The following NEXMIF variants were observed in gnomAD, a reference collection of about 807,000 sequenced individuals.
NEXMIF encodes XLMR protein related to neurite extension.
In NEXMIF, 8 loss-of-function variants were observed where a neutral mutation model predicts 62.1. The observed-to-expected ratio is 0.13, with a 90% CI of 0.08 to 0.23. The LOEUF (loss-of-function observed/expected upper bound fraction) is 0.23. Among genes scored for constraint, NEXMIF ranks in the 10% least tolerant of loss-of-function variants. The probability of loss-of-function intolerance (pLI) is 1.00; values close to 1 mark genes in which losing one functional copy is unlikely to be tolerated. For synonymous variants in NEXMIF, 404 were observed against 416.6 expected, an observed-to-expected ratio of 0.97 and a Z score of 0.37; for missense variants, 976 against 1,113.3, an observed-to-expected ratio of 0.88 and a Z score of 1.75.
intron 1 of NEXMIF, among the ~76,000 whole-genome samples, chrX:74,778,669 T>C (rs1194067258): frequency 8.9e-6 from 1 of 112,004 alleles, no homozygotes; most frequent in Non-Finnish European, 1.9e-5. Context: ...GGCCAATATG[T>C]TCAGGTCACA....
chrX:74,876,538 G>T (rs1290934536), intron 1 of NEXMIF, among the ~76,000 whole-genome samples: 1 of 106,173 alleles, frequency 9.4e-6, no homozygotes, highest in Non-Finnish European at 1.9e-5. Context: ...TCAATTCCTG[G>T]GTATCCTTGT....
intron 1 of NEXMIF, among the ~76,000 whole-genome samples, chrX:74,838,223 T>A (rs1055641524): frequency 1.4e-4 from 16 of 111,731 alleles, no homozygotes; most frequent in African/African-American, 4.9e-4. Flanking sequence ...TAAGCCTGTA[T>A]ATGGGCGAAC....
rs950462136 is a variant in NEXMIF at position 74,869,803 on chromosome X, G to A, written c.-48+55080C>T. Among the ~76,000 whole-genome samples the A allele has an allele frequency of 5.4e-5, 6 of 111,361 alleles. No individual in the cohort carries two copies. The East Asian group carries it at 1.4e-3, about 26-fold the overall frequency. ...GCAATGAAAACTATACAACGTTGAT[G>A]CAAAAAATTGAATAGGACACCAAAA... On this transcript the variant is annotated intron_variant, in intron 1 of 3. Transcript: ENST00000055682.
rs886041774 is a variant in NEXMIF at position 74,743,433 on chromosome X, TC to T, written c.1123del (p.Glu375ArgfsTer21). On this transcript the variant is annotated frameshift_variant, in exon 3 of 4. Coordinates refer to ENST00000055682, the MANE Select transcript of NEXMIF (RefSeq NM_001008537.3). LOFTEE classifies it high-confidence loss of function. ...CTTCTTGTCCAAGTTTTTATCTTCCTCCCCCCAGATGATGCTCACATCAGGG... is the reference window on the plus strand; with the variant it reads ...CTTCTTGTCCAAGTTTTTATCTTCCTCCCCCAGATGATGCTCACATCAGGG... Reference protein sequence around the residue: ...KVPDVSIIWGEEDKNLDKKKG... With the variant: ...KVPDVSIIWGXEDKNLDKKKG... 1 of 1,210,519 alleles carries T rather than the reference TC, an allele frequency of 8.3e-7. No homozygotes were observed. The highest frequency in any genetic ancestry group is 1.1e-6 in the Non-Finnish European group (1 of 894,950).
At chrX:74,862,421 T>C (rs1293049180) in intron 1 of NEXMIF, among the ~76,000 whole-genome samples, 1 of 110,307 alleles carries the variant, frequency 9.1e-6, no homozygotes, top group African/African-American at 3.3e-5. Flanking sequence ...GTCAATATTA[T>C]ACAGACCATC....
intron 1 of NEXMIF, among the ~76,000 whole-genome samples, chrX:74,909,656 T>C (rs2080781398): frequency 8.9e-6 from 1 of 111,737 alleles, no homozygotes; most frequent in Middle Eastern, 4.6e-3. Context: ...CCCAAGACAA[T>C]GGGGAAAATG....
At chrX:74,869,267 C>G (rs1267925059) in intron 1 of NEXMIF, among the ~76,000 whole-genome samples, 2 of 111,397 alleles carry the variant, frequency 1.8e-5, no homozygotes, top group Admixed American at 1.9e-4. Context: ...TAACAAAATT[C>G]AACATACCTT....
intron 1 of NEXMIF, among the ~76,000 whole-genome samples, chrX:74,907,811 T>C (rs1048122805): frequency 9.0e-6 from 1 of 111,472 alleles, no homozygotes; most frequent in African/African-American, 3.3e-5. Context: ...CACCAGTATA[T>C]GATTTTACTT....
At chrX:74,852,248 T>A (rs1052057652) in intron 1 of NEXMIF, among the ~76,000 whole-genome samples, 59 of 111,213 alleles carry the variant, frequency 5.3e-4, no homozygotes, top group African/African-American at 1.8e-3. Flanking sequence ...GATACAGAGA[T>A]CAATTCAGCA....
chrX:74,824,528 G>A (rs945209140), intron 1 of NEXMIF, among the ~76,000 whole-genome samples: 3 of 112,044 alleles, frequency 2.7e-5, no homozygotes, highest in Non-Finnish European at 3.8e-5. Context: ...TGGACACTTA[G>A]GCTGATTCTA....
At position 74,737,451 on chromosome X, in the gene NEXMIF, A is replaced by G. The variant is rs958182654; in HGVS notation, c.*1954T>C. On this transcript the variant is annotated 3_prime_UTR_variant, in exon 4 of 4. Coordinates refer to ENST00000055682, the MANE Select transcript of NEXMIF (RefSeq NM_001008537.3). ...AGTAATTTTCCAGGGCTCACTGCAA[A>G]CAGAGCATTAAAGCCTAGGAATGGG... The G allele has an allele frequency of 2.7e-5, 3 of 111,303 alleles. No individual in the cohort carries two copies. The highest frequency in any genetic ancestry group is 6.6e-5 in the African/African-American group (2 of 30,497). The allele number at this position is 111,303 out of a possible 1,213,427, so 9.2% of individuals were successfully genotyped here.
rs987881393 is a variant in NEXMIF, at chrX:74,885,820, C to T, written c.-48+39063G>A. 2.7e-5 allele frequency among the ~76,000 whole-genome samples: 3 copies of T among 111,427 alleles called. No individual in the cohort carries two copies. In the Admixed American group the frequency reaches 2.9e-4, roughly 11 times the overall value. ...TTATGAGGCCAGCATCATCCTGATA[C>T]CAAAGCCGGGCAGAGACACAACAAA... On this transcript the variant is annotated intron_variant, in intron 1 of 3. Transcript: ENST00000055682.
chrX:74,923,696 C>T (rs2080834142), intron 1 of NEXMIF, among the ~76,000 whole-genome samples: 1 of 111,825 alleles, frequency 8.9e-6, no homozygotes, highest in Non-Finnish European at 1.9e-5. Context: ...GGAACTCCTC[C>T]ACCAAAAACA....
intron 1 of NEXMIF, among the ~76,000 whole-genome samples, chrX:74,823,004 G>T (rs953257496): frequency 1.9e-4 from 21 of 111,861 alleles, no homozygotes; most frequent in African/African-American, 6.5e-4. Flanking sequence ...CCATACAATG[G>T]TATATTATTC....
intron 1 of NEXMIF, among the ~76,000 whole-genome samples, chrX:74,759,762 C>A (rs2080170558): frequency 9.0e-6 from 1 of 111,530 alleles, no homozygotes; most frequent in Non-Finnish European, 1.9e-5. Context: ...TGTTTTTGTA[C>A]CAGTACTATC....
At chrX:74,887,692 G>C (rs1254593159) in intron 1 of NEXMIF, among the ~76,000 whole-genome samples, 1 of 111,373 alleles carries the variant, frequency 9.0e-6, no homozygotes, top group Non-Finnish European at 1.9e-5. Flanking sequence ...CTTTTACACT[G>C]TTGGTGGGAC....
At chrX:74,825,788 C>T (rs1217768775) in intron 1 of NEXMIF, among the ~76,000 whole-genome samples, 3 of 112,225 alleles carry the variant, frequency 2.7e-5, no homozygotes, top group East Asian at 5.6e-4. Context: ...CACCTGACCT[C>T]GTGATCCACC....
At chrX:74,888,752 C>T (rs997896995) in intron 1 of NEXMIF, among the ~76,000 whole-genome samples, 2 of 111,836 alleles carry the variant, frequency 1.8e-5, no homozygotes, top group East Asian at 2.8e-4. Flanking sequence ...CAAGTTTTAG[C>T]GAACACATAT....
intron 1 of NEXMIF, among the ~76,000 whole-genome samples, chrX:74,755,119 TGAA>T (rs1190281430): frequency 8.9e-6 from 1 of 112,516 alleles, no homozygotes; most frequent in African/African-American, 3.2e-5. Context: ...AGTTCAACAC[TGAA>T]GAAGGTCTGT....
Sources: allele counts gnomAD v4.1 joint callset (sites outside exome capture counted in the v4.1 genomes callset), GRCh38; gene constraint gnomAD v4.1.1; transcripts MANE v1.5; gene names NCBI Gene and HGNC (gene_info 2026-07-23, HGNC 2026-07-21).